Variants in LRRC55 observed in about 807,000 individuals in gnomAD.
The protein encoded by LRRC55 is leucine rich repeat containing 55, also known as leucine-rich repeat-containing protein 55.
A neutral mutation model predicts 20.5 loss-of-function variants in LRRC55; 11 were observed. That is an observed-to-expected ratio of 0.54 (90% CI 0.34 to 0.89). The LOEUF is 0.89. LRRC55 is among the 40% of genes least tolerant of loss of function. LRRC55 has a pLI of 0.02. For synonymous variants in LRRC55, 188 were observed against 166.6 expected (o/e 1.13, Z -0.99); for missense variants, 358 against 390.9 (o/e 0.92, Z 0.71).
chr11:57,185,607 GCCCC>G (rs1175978316), intron 1 of LRRC55, among the ~76,000 whole-genome samples: 1 of 151,658 alleles, frequency 6.6e-6, no homozygotes, highest in African/African-American at 2.4e-5. Flanking sequence ...TCTTATAGAG[GCCCC>G]TTATTATACA....
In LRRC55 at chr11:57,187,330, C is replaced by A; in HGVS notation, c.747C>A (p.Cys249Ter). ...TCACTGAGGAGAGCTTCAAGGCCTGCCACCTGACCCTGACCCTGGATGATT... is the reference window on the plus strand; with the variant it reads ...TCACTGAGGAGAGCTTCAAGGCCTGACACCTGACCCTGACCCTGGATGATT... ...FSLTEESFKACHLTLTLDDYL... is the reference protein window; with the variant it reads ...FSLTEESFKA The change falls in exon 2 of 2, where the codon TGC (cysteine) becomes TGA (stop). Residue 249 changes from cysteine (C) to a stop codon, truncating the protein, a stop_gained. Transcript: ENST00000497933. LOFTEE classifies it high-confidence loss of function. The A allele has an allele frequency of 6.2e-7, 1 of 1,614,186 alleles. No homozygotes were observed. The highest frequency in any genetic ancestry group is 1.1e-5 in the South Asian group (1 of 91,074).
rs1854477943 is a variant in LRRC55, at chr11:57,189,359, A to G, written c.*1879A>G. On this transcript the variant is annotated 3_prime_UTR_variant, in exon 2 of 2. Transcript: ENST00000497933. ...GGAATTCAGCATCCATGAATGTGCT[A>G]GTGGATAAGCTAAATAGAAGGCAGC... is the stretch of plus-strand genomic sequence containing the variant. The G allele has an allele frequency of 1.3e-5, 2 of 152,262 alleles. No homozygotes were observed. Among genetic ancestry groups the G allele is most frequent in the African/African-American group, 2.4e-5 (1 of 41,464 alleles). The allele number at this position is 152,262 out of a possible 1,614,324, so 9.4% of individuals were successfully genotyped here. A position where few individuals can be genotyped will look rare whatever the true frequency, so the allele number is the denominator to read the frequency against.
chr11:57,184,251 G>C (rs1258164255), intron 1 of LRRC55, among the ~76,000 whole-genome samples: 1 of 139,188 alleles, frequency 7.2e-6, no homozygotes, highest in African/African-American at 2.5e-5. Flanking sequence ...TCTCTCTCCT[G>C]TGCACTAATA....
intron 1 of LRRC55, among the ~76,000 whole-genome samples, chr11:57,184,291 A>C (rs567766): frequency 0.82 from 124,749 of 152,124 alleles, 51,294 homozygotes; most frequent in African/African-American, 0.85. Context: ...CACTAAGCTT[A>C]CATTACACCC....
rs1301941449 is a variant in LRRC55 at position 57,187,378 on chromosome 11, C to T, written c.795C>T (p.Gly265=). The T allele has an allele frequency of 8.7e-6, 14 of 1,614,238 alleles. No homozygotes were observed. The highest frequency in any genetic ancestry group is 2.2e-5 in the South Asian group (2 of 91,084). ...LDDYLFIAFV[G]FVVSIASVAT... ...ATTACCTATTCATTGCGTTCGTGGG[C>T]TTCGTGGTCTCCATTGCTTCTGTGG... The change falls in exon 2 of 2, where the codon GGC becomes GGT. Residue 265 remains glycine (G), a synonymous_variant. Transcript: ENST00000497933.
chr11:57,185,632 G>A (rs1438775599), intron 1 of LRRC55, among the ~76,000 whole-genome samples: 3 of 151,590 alleles, frequency 2.0e-5, no homozygotes, highest in African/African-American at 7.3e-5. Flanking sequence ...GGCAGAGCAT[G>A]AGAGCCAGAA....
chr11:57,182,077 C>T lies in LRRC55; in HGVS notation c.55C>T (p.Leu19=). The change falls in exon 1 of 2, where the codon CTG becomes TTG. Residue 19 remains leucine, a synonymous_variant. Transcript: ENST00000497933. ...GCCCGGGCCACCCCACCCAGCAATG[C>T]TGCTGATCTCCCTCCTCTTGGCAGC... is the stretch of plus-strand genomic sequence containing the variant. The part of the protein sequence containing the change: ...PWPGPPHPAM[L]LISLLLAAGL... 6.2e-7 allele frequency: 1 copy of T among 1,614,220 alleles called. No homozygotes were observed. The highest frequency in any genetic ancestry group is 8.5e-7 in the Non-Finnish European group (1 of 1,180,040).
intron 1 of LRRC55, among the ~76,000 whole-genome samples, chr11:57,185,516 T>A (rs1159698696): frequency 8.9e-6 from 1 of 112,742 alleles, no homozygotes; most frequent in Non-Finnish European, 1.8e-5. Context: ...CTTGACCTCA[T>A]GATCCACCTC....
chr11:57,185,359 C>T (rs1274427409), intron 1 of LRRC55, among the ~76,000 whole-genome samples: 2 of 142,602 alleles, frequency 1.4e-5, no homozygotes, highest in Non-Finnish European at 3.0e-5. Context: ...CAGCTCACTG[C>T]AACCTCCACC....
At chr11:57,183,715 T>C (rs2960567) in intron 1 of LRRC55, among the ~76,000 whole-genome samples, 2,161 of 152,294 alleles carry the variant, frequency 0.014, 59 homozygotes, top group African/African-American at 0.049. Flanking sequence ...GTGTAAACTT[T>C]GGGCACAGGG....
intron 1 of LRRC55, among the ~76,000 whole-genome samples, chr11:57,185,896 C>T (rs1287971039): frequency 6.6e-6 from 1 of 152,028 alleles, no homozygotes; most frequent in Non-Finnish European, 1.5e-5. Context: ...GAAAAAGCAG[C>T]CCCCTCCTAC....
rs1339178008 is a variant in LRRC55 at position 57,190,002 on chromosome 11, T to G, written c.*2522T>G. The G allele has an allele frequency of 2.0e-5, 3 of 152,194 alleles. No individual in the cohort carries two copies. Among genetic ancestry groups the G allele is most frequent in the Admixed American group, 2.0e-4 (3 of 15,276 alleles). The allele number at this position is 152,194 out of a possible 1,614,324, so 9.4% of individuals were successfully genotyped here. A position where few individuals can be genotyped will look rare whatever the true frequency, so the allele number is the denominator to read the frequency against. ...CGAAGCAGAACTGTGCCCTGCTCTC[T>G]CCTTCTGTGATGACCAAGGATGGTG... On this transcript the variant is annotated 3_prime_UTR_variant, in exon 2 of 2. Coordinates refer to ENST00000497933, the MANE Select transcript of LRRC55 (RefSeq NM_001005210.4).
rs1854482745 is a variant in LRRC55, at chr11:57,189,742, C to T, written c.*2262C>T. ...GGAGAATTAAAACAGGGGCTTTCCACACCTCCCTTGCCCCAAGCTCCAGCG... is the reference window on the plus strand; with the variant it reads ...GGAGAATTAAAACAGGGGCTTTCCATACCTCCCTTGCCCCAAGCTCCAGCG... On this transcript the variant is annotated 3_prime_UTR_variant, in exon 2 of 2. Transcript: ENST00000497933. 6.6e-6 allele frequency: 1 copy of T among 152,228 alleles called. No homozygotes were observed. Among genetic ancestry groups the T allele is most frequent in the South Asian group, 2.1e-4 (1 of 4,822 alleles). 9.4% of individuals were successfully genotyped at this position (152,228 alleles called of 1,614,324 possible). A position where few individuals can be genotyped will look rare whatever the true frequency, so the allele number is the denominator to read the frequency against.
At chr11:57,184,827 G>A (rs959426452) in intron 1 of LRRC55, among the ~76,000 whole-genome samples, 2 of 152,116 alleles carry the variant, frequency 1.3e-5, no homozygotes, top group East Asian at 1.9e-4. Context: ...GGGCTGTCAG[G>A]GGCTCCTCTG....
In LRRC55 at chr11:57,182,562, G is replaced by GT; in HGVS notation, c.540_541insT (p.Ala181CysfsTer3). On this transcript the variant is annotated frameshift_variant, in exon 1 of 2. Transcript: ENST00000497933. LOFTEE classifies it high-confidence loss of function. ...GGGGCCTGGCCTTCCTCAGCCTGGA[G>GT]GCTCTTGAGGGCCTACCGGGGCTGG... The GT allele has an allele frequency of 3.2e-6, 5 of 1,550,760 alleles. No individual in the cohort carries two copies. Among genetic ancestry groups the GT allele is most frequent in the Non-Finnish European group, 4.4e-6 (5 of 1,148,254 alleles).
At chr11:57,187,158 A>T in intron 1 of LRRC55, 87 bp from the exon 2 acceptor site, 1 of 1,172,424 alleles carries the variant, frequency 8.5e-7, no homozygotes, top group Non-Finnish European at 1.3e-6. Context: ...TGTCTTTCTT[A>T]CTTTTTCCAG....
chr11:57,185,270 CTTTTTTTTTTTTTTTT>C (rs58800728), intron 1 of LRRC55, among the ~76,000 whole-genome samples: 3 of 89,412 alleles, frequency 3.4e-5, no homozygotes, highest in East Asian at 3.3e-4. Context: ...CTTTTCTTTT[CTTTTTTTTTTTTTTTT>C]TTTTTTTTTT....
rs983110337 is a variant in LRRC55, at chr11:57,188,681, A to T, written c.*1201A>T. The T allele has an allele frequency of 2.0e-5, 3 of 152,204 alleles. No homozygotes were observed. Among genetic ancestry groups the T allele is most frequent in the South Asian group, 4.1e-4 (2 of 4,836 alleles). The allele number at this position is 152,204 out of a possible 1,614,324, so 9.4% of individuals were successfully genotyped here. A position where few individuals can be genotyped will look rare whatever the true frequency, so the allele number is the denominator to read the frequency against. On this transcript the variant is annotated 3_prime_UTR_variant, in exon 2 of 2. Coordinates refer to ENST00000497933, the MANE Select transcript of LRRC55 (RefSeq NM_001005210.4). ...AAAGTCACATGCCACTATGAGCAAG[A>T]TAAAGTCTGTGCTCTTTCTACTGCC...
Position 57,182,578 on chromosome 11 carries a change from C to A in LRRC55, c.556C>A (p.Pro186Thr), listed in dbSNP as rs773414679. 2 of 1,540,820 alleles carry A rather than the reference C, an allele frequency of 1.3e-6. No homozygotes were observed. The highest frequency in any genetic ancestry group is 1.7e-6 in the Non-Finnish European group (2 of 1,143,924). Residue 186 changes from proline to threonine, a missense_variant, in exon 1 of 2, where the codon CCG (proline) becomes ACG (threonine). Pro to Thr is a conservative substitution (Grantham distance 38). Around this residue, in one of 3 missense-constraint regions of LRRC55, gnomAD observed 178 missense variants for 207.9 expected, o/e 0.86. Transcript: ENST00000497933. ...CAGCCTGGAGGCTCTTGAGGGCCTA[C>A]CGGGGCTGGTGACCCTGCAGATCGG... ...FLSLEALEGL[P>T]GLVTLQIGGN...
Sources: allele counts gnomAD v4.1 joint callset (sites outside exome capture counted in the v4.1 genomes callset), GRCh38; gene constraint gnomAD v4.1.1; regional missense constraint gnomAD v4.1.1; transcripts MANE v1.5; gene names NCBI Gene and HGNC (gene_info 2026-07-23, HGNC 2026-07-21).